The following CCDC7 variants were observed in gnomAD, a reference collection of about 807,000 sequenced individuals.
CCDC7 encodes the protein coiled-coil domain-containing protein 7.
In CCDC7, 183 loss-of-function variants were observed where a neutral mutation model predicts 196.9. That is an observed-to-expected ratio of 0.93 (90% CI 0.82 to 1.05). The LOEUF is 1.05. CCDC7 is among the 50% of genes least tolerant of loss of function. The pLI is 0.00. For synonymous variants in CCDC7, 525 were observed against 484.6 expected (o/e 1.08, Z -1.10); for missense variants, 1,540 against 1,482.2 (o/e 1.04, Z -0.64).
chr10:32,663,002 AG>A (rs79060851), intron 20 of CCDC7, among the ~76,000 whole-genome samples: 12,984 of 152,210 alleles, frequency 0.085, 870 homozygotes, highest in South Asian at 0.25. Context: ...AATTAGTCAG[AG>A]GCCGAATAGC....
At chr10:32,526,782 T>G (rs117987850) in intron 11 of CCDC7, among the ~76,000 whole-genome samples, 120 of 152,280 alleles carry the variant, frequency 7.9e-4, no homozygotes, top group Non-Finnish European at 1.2e-3. Flanking sequence ...GTATCCAAGA[T>G]GCAAGACAAA....
chr10:32,727,504 G>A (rs1179449321), intron 26 of CCDC7, among the ~76,000 whole-genome samples: 1 of 152,058 alleles, frequency 6.6e-6, no homozygotes, highest in African/African-American at 2.4e-5. Flanking sequence ...AGGGTGGAGG[G>A]AGTAACACTT....
intron 20 of CCDC7, among the ~76,000 whole-genome samples, chr10:32,655,682 A>G (rs990246700): frequency 6.6e-6 from 1 of 151,920 alleles, no homozygotes; most frequent in African/African-American, 2.4e-5. Flanking sequence ...GATGCCACCC[A>G]AGTAGTGCGT....
At chr10:32,601,535 T>C (rs1345607944) in intron 18 of CCDC7, among the ~76,000 whole-genome samples, 3 of 152,132 alleles carry the variant, frequency 2.0e-5, no homozygotes, top group Non-Finnish European at 4.4e-5. Flanking sequence ...TTTTCTGACA[T>C]TGAGAGGTGA....
intron 16 of CCDC7, chr10:32,574,637 T>C: frequency 2.1e-6 from 1 of 485,570 alleles, no homozygotes; most frequent in Non-Finnish European, 3.1e-6. Flanking sequence ...ATTTTAATAA[T>C]TTATTGTTTC....
chr10:32,554,490 T>C (rs1030654850), intron 13 of CCDC7, among the ~76,000 whole-genome samples: 1 of 152,238 alleles, frequency 6.6e-6, no homozygotes, highest in African/African-American at 2.4e-5. Flanking sequence ...CCCAGGGCTT[T>C]TCTGCTGCTT....
chr10:32,610,352 C>T (rs765195455), intron 18 of CCDC7, among the ~76,000 whole-genome samples: 1 of 152,176 alleles, frequency 6.6e-6, no homozygotes, highest in Non-Finnish European at 1.5e-5. Context: ...GATCTGCCTG[C>T]CTCGGCCTCC....
chr10:32,443,435 T>A (rs1286637753), upstream of CCDC7, among the ~76,000 whole-genome samples: 8 of 135,458 alleles, frequency 5.9e-5, no homozygotes, highest in East Asian at 1.8e-3. Flanking sequence ...TGAAGGATAA[T>A]ATGTATGGTA....
chr10:32,833,490 A>C (rs1186274933), intron 32 of CCDC7, among the ~76,000 whole-genome samples: 1 of 152,144 alleles, frequency 6.6e-6, no homozygotes, highest in Non-Finnish European at 1.5e-5. Context: ...ATAATTTTGT[A>C]TTCTTAGTGC....
At chr10:32,879,411 G>A (rs1377471776), downstream of CCDC7, among the ~76,000 whole-genome samples, 3 of 152,054 alleles carry the variant, frequency 2.0e-5, no homozygotes, top group Non-Finnish European at 2.9e-5. Context: ...TTCTTCTGCT[G>A]GAGGTCGTTG....
At chr10:32,680,234 C>T (rs1264357368) in intron 21 of CCDC7, among the ~76,000 whole-genome samples, 1 of 152,118 alleles carries the variant, frequency 6.6e-6, no homozygotes, top group Non-Finnish European at 1.5e-5. Context: ...CGCAGTCTTC[C>T]TGTGCCCTGC....
chr10:32,521,801 G>GT (rs888132119), intron 11 of CCDC7, among the ~76,000 whole-genome samples: 30 of 152,214 alleles, frequency 2.0e-4, no homozygotes, highest in Admixed American at 3.3e-4. Flanking sequence ...AAGGCTTTCA[G>GT]TTTTTTCCCA....
intron 18 of CCDC7, among the ~76,000 whole-genome samples, chr10:32,594,758 A>T (rs2060140748): frequency 6.6e-6 from 1 of 152,172 alleles, no homozygotes; most frequent in Admixed American, 6.5e-5. Context: ...TTTTAGCATG[A>T]AGCGCTGTTG....
In CCDC7 at chr10:32,834,812, T is replaced by C. The variant is rs745721346; in HGVS notation, c.3269-3T>C. ...GTTTTGAAAACCTGTTTTATTTTTA[T>C]AGAGACTGTCTTAAAACACTTGAAA... On this transcript the variant is annotated splice_polypyrimidine_tract_variant and splice_region_variant and intron_variant, in intron 32 of 41. Transcript: ENST00000639629. 27 of 1,354,776 alleles carry C rather than the reference T, an allele frequency of 2.0e-5. No homozygotes were observed. Among genetic ancestry groups the C allele is most frequent in the Non-Finnish European group, 2.5e-5 (24 of 954,806 alleles). 83.9% of individuals were successfully genotyped at this position (1,354,776 alleles called of 1,614,324 possible).
chr10:32,796,969 A>G (rs1247706175), intron 29 of CCDC7, among the ~76,000 whole-genome samples: 1 of 152,128 alleles, frequency 6.6e-6, no homozygotes, highest in Non-Finnish European at 1.5e-5. Flanking sequence ...CAAAAATTCC[A>G]CACAAAATTT....
intron 25 of CCDC7, among the ~76,000 whole-genome samples, chr10:32,721,884 T>C (rs1355624587): frequency 1.3e-5 from 2 of 152,012 alleles, no homozygotes; most frequent in Non-Finnish European, 2.9e-5. Context: ...AGATGTCAGT[T>C]GTTGTATATT....
At chr10:32,822,523 A>G (rs535284165) in intron 31 of CCDC7, among the ~76,000 whole-genome samples, 42 of 152,152 alleles carry the variant, frequency 2.8e-4, no homozygotes, top group Non-Finnish European at 5.7e-4. Flanking sequence ...TTTAAAAGGC[A>G]TAAAGTTATA....
At chr10:32,711,894 T>C (rs571687463) in intron 25 of CCDC7, among the ~76,000 whole-genome samples, 164 bp downstream of exon 26, 12 of 152,290 alleles carry the variant, frequency 7.9e-5, no homozygotes, top group Admixed American at 2.0e-4. Flanking sequence ...GATAATGATA[T>C]GTTTTGGTTA....
chr10:32,628,222 G>C (rs904156908), intron 18 of CCDC7, among the ~76,000 whole-genome samples: 2 of 151,706 alleles, frequency 1.3e-5, no homozygotes, highest in South Asian at 4.1e-4. Flanking sequence ...ATTTTCTACT[G>C]TTCAGATTTT....
Sources: gnomAD v4.1 joint callset for allele counts (sites outside exome capture counted in the v4.1 genomes callset) on GRCh38, gnomAD v4.1.1 for gene constraint, MANE v1.5 for transcripts, NCBI Gene and HGNC (gene_info 2026-07-23, HGNC 2026-07-21) for gene names.